The following HPSE2 variants were observed in gnomAD, a reference collection of about 807,000 sequenced individuals.
HPSE2 encodes inactive heparanase-2.
HPSE2 carries 38 observed loss-of-function variants against 60.5 expected under a neutral mutation model. The observed-to-expected ratio is 0.63, with a 90% confidence interval of 0.48 to 0.82. HPSE2 has a LOEUF of 0.82. Among genes scored for constraint, HPSE2 ranks in the 40% least tolerant of loss-of-function variants. HPSE2 has a pLI of 0.00. For missense variants in HPSE2, 713 were observed against 740.4 expected (o/e 0.96, Z 0.43); for synonymous variants, 295 against 293.2 (o/e 1.01, Z -0.06).
intron 3 of HPSE2, among the ~76,000 whole-genome samples, chr10:98,984,320 C>T (rs1307256044): frequency 6.6e-6 from 1 of 152,170 alleles, no homozygotes; most frequent in African/African-American, 2.4e-5. Context: ...CAGGCAGCAA[C>T]ATTTGCTGTT....
At chr10:98,603,323 C>G (rs1411805577) in intron 9 of HPSE2, among the ~76,000 whole-genome samples, 1 of 152,092 alleles carries the variant, frequency 6.6e-6, no homozygotes, top group Non-Finnish European at 1.5e-5. Context: ...TGAGTTTTAC[C>G]TCCAGGAGCT....
intron 2 of HPSE2, among the ~76,000 whole-genome samples, chr10:99,156,590 G>A (rs1245160514): frequency 8.0e-6 from 1 of 125,588 alleles, no homozygotes; most frequent in Non-Finnish European, 1.8e-5. Flanking sequence ...AGGTATTGAT[G>A]GGACGTATTT....
intron 1 of HPSE2, among the ~76,000 whole-genome samples, chr10:99,232,948 G>A (rs578150557): frequency 2.0e-5 from 3 of 152,368 alleles, no homozygotes; most frequent in South Asian, 2.1e-4. Context: ...AAACTTGTAT[G>A]CTGAAAGCCG....
intron 3 of HPSE2, among the ~76,000 whole-genome samples, chr10:98,788,715 C>T (rs999948569): frequency 4.0e-5 from 6 of 151,848 alleles, no homozygotes; most frequent in South Asian, 2.1e-4. Flanking sequence ...TTTCCAGGTG[C>T]GTCCGTCACC....
chr10:98,662,600 G>A (rs1182225222), intron 6 of HPSE2, among the ~76,000 whole-genome samples: 1 of 152,172 alleles, frequency 6.6e-6, no homozygotes, highest in African/African-American at 2.4e-5. Context: ...TAACCATTGA[G>A]TACTGGGCTT....
chr10:98,511,830 C>T (rs996385681), intron 9 of HPSE2, among the ~76,000 whole-genome samples: 2 of 152,150 alleles, frequency 1.3e-5, no homozygotes, highest in African/African-American at 2.4e-5. Context: ...ACAGGTCTTG[C>T]TGCAGGTGCA....
intron 11 of HPSE2, among the ~76,000 whole-genome samples, chr10:98,474,238 G>T (rs1355509043): frequency 6.6e-6 from 1 of 152,180 alleles, no homozygotes; most frequent in East Asian, 1.9e-4. Flanking sequence ...TTGAATTAAT[G>T]GGGTTAAGGT....
intron 9 of HPSE2, among the ~76,000 whole-genome samples, chr10:98,596,485 A>G (rs1294630925): frequency 7.1e-6 from 1 of 141,364 alleles, no homozygotes; most frequent in Non-Finnish European, 1.6e-5. Flanking sequence ...TTTTTTTTTC[A>G]GCTTGAAGCA....
intron 4 of HPSE2, among the ~76,000 whole-genome samples, chr10:98,729,465 C>T (rs1224930186): frequency 3.3e-5 from 5 of 151,770 alleles, no homozygotes; most frequent in Non-Finnish European, 5.9e-5. Flanking sequence ...AAAAATTAGC[C>T]GGGCGTGGTG....
chr10:99,188,947 T>A (rs1054166324), intron 2 of HPSE2, among the ~76,000 whole-genome samples: 1 of 152,200 alleles, frequency 6.6e-6, no homozygotes, highest in Admixed American at 6.5e-5. Context: ...TTCCTCCACA[T>A]GACTTTTTCC....
At chr10:98,565,264 C>T (rs903076231) in intron 9 of HPSE2, among the ~76,000 whole-genome samples, 3 of 151,836 alleles carry the variant, frequency 2.0e-5, no homozygotes, top group African/African-American at 4.8e-5. Flanking sequence ...CCTATCAACC[C>T]GTCATCTAGG....
At chr10:98,872,595 A>T (rs1033169009) in intron 3 of HPSE2, among the ~76,000 whole-genome samples, 1 of 152,118 alleles carries the variant, frequency 6.6e-6, no homozygotes, top group Non-Finnish European at 1.5e-5. Context: ...TATGCTAGTT[A>T]TACTTTTTAA....
chr10:99,200,333 C>T (rs891937554), intron 2 of HPSE2, among the ~76,000 whole-genome samples: 2 of 152,028 alleles, frequency 1.3e-5, no homozygotes, highest in African/African-American at 4.8e-5. Context: ...CTCTTTGTCC[C>T]TATAACCAGA....
the HPSE2 span, among the ~76,000 whole-genome samples, chr10:99,314,683 T>C: frequency 6.6e-6 from 1 of 152,248 alleles, no homozygotes; most frequent in African/African-American, 2.4e-5. Context: ...TTTACAAATC[T>C]GTGCACTTAT....
intron 3 of HPSE2, among the ~76,000 whole-genome samples, chr10:98,879,254 T>G (rs1264492914): frequency 2.0e-5 from 3 of 152,024 alleles, no homozygotes; most frequent in African/African-American, 7.2e-5. Flanking sequence ...ATGGTACATG[T>G]AAGTATACTA....
intron 3 of HPSE2, among the ~76,000 whole-genome samples, chr10:99,105,448 G>C (rs1013019248): frequency 6.7e-6 from 1 of 149,072 alleles, no homozygotes; most frequent in African/African-American, 2.5e-5. Context: ...TTTTCTCTGT[G>C]AGTGTTTTCT....
chr10:98,869,239 T>G (rs1201984098), intron 3 of HPSE2, among the ~76,000 whole-genome samples: 3 of 152,166 alleles, frequency 2.0e-5, no homozygotes, highest in African/African-American at 7.2e-5. Flanking sequence ...TCCTTGTAGT[T>G]TGTCATGATT....
At chr10:98,907,621 G>A (rs1454010151) in intron 3 of HPSE2, among the ~76,000 whole-genome samples, 1 of 152,140 alleles carries the variant, frequency 6.6e-6, no homozygotes, top group East Asian at 1.9e-4. Flanking sequence ...AGGATAAATA[G>A]GAGGCATGAT....
intron 3 of HPSE2, among the ~76,000 whole-genome samples, chr10:98,837,005 A>T (rs1322310047): frequency 1.3e-5 from 2 of 152,222 alleles, no homozygotes; most frequent in Non-Finnish European, 2.9e-5. Flanking sequence ...AGACGGTGCC[A>T]CTGCACTCTA....
Sources: gnomAD v4.1 joint callset for allele counts (sites outside exome capture counted in the v4.1 genomes callset) on GRCh38, gnomAD v4.1.1 for gene constraint, MANE v1.5 for transcripts, NCBI Gene and HGNC (gene_info 2026-07-23, HGNC 2026-07-21) for gene names.